The following NCOA7 variants were observed in gnomAD, a reference collection of about 807,000 sequenced individuals.
NCOA7 encodes 140 kDa estrogen receptor-associated protein.
A neutral mutation model predicts 104.3 loss-of-function variants in NCOA7; 45 were observed. That is an observed-to-expected ratio of 0.43 (90% confidence interval 0.34 to 0.55). The LOEUF (loss-of-function observed/expected upper bound fraction) is 0.55. NCOA7 is among the 20% of genes least tolerant of loss of function. The pLI is 0.02. For synonymous variants in NCOA7, 398 were observed against 402.3 expected (o/e 0.99, Z 0.13); for missense variants, 1,041 against 1,119.7 (o/e 0.93, Z 1.00).
rs188124268 is a variant in NCOA7 at position 125,874,913 on chromosome 6, A to T, written c.296A>T (p.Asp99Val). The T allele has an allele frequency of 3.7e-6, 6 of 1,613,588 alleles. No homozygotes were observed. The Admixed American group carries it at 6.7e-5, about 18-fold the overall frequency. The change falls in exon 4 of 16, where the codon GAT (aspartate) becomes GTT (valine). Residue 99 changes from aspartate (D) to valine (V), a missense_variant. Coordinates refer to ENST00000392477, the MANE Select transcript of NCOA7 (RefSeq NM_181782.5). ...SIDDNQNKTH[D>V]KKEKKMVVQK... ...GATGACAATCAAAACAAAACACATG[A>T]TAAAAAAGAGAAGAAGATGGTGGTT...
chr6:125,894,346 C>T (rs984834667), intron 10 of NCOA7, among the ~76,000 whole-genome samples: 18 of 152,130 alleles, frequency 1.2e-4, no homozygotes, highest in African/African-American at 3.9e-4. Context: ...ACTCGGGCCT[C>T]TGTACCATTC....
At chr6:125,901,886 G>A (rs6900690) in intron 10 of NCOA7, among the ~76,000 whole-genome samples, 81,565 of 151,842 alleles carry the variant, frequency 0.54, 22,017 homozygotes, top group Admixed American at 0.64. Context: ...TGGGAAGATA[G>A]TCTTCCCCTG....
Position 125,881,210 on chromosome 6 carries a change from A to G in NCOA7, c.573+7A>G, listed in dbSNP as rs779294205. The G allele has an allele frequency of 2.5e-6, 4 of 1,571,900 alleles. No individual in the cohort carries two copies. Among genetic ancestry groups the G allele is most frequent in the Non-Finnish European group, 3.5e-6 (4 of 1,141,862 alleles). On this transcript the variant is annotated splice_region_variant and intron_variant, in intron 6 of 15. Transcript: ENST00000392477. ...AGAATATGATAAATTGCCTGTATGT[A>G]TATTATGCACTGAAGTTCATTTTTA...
chr6:125,818,508 C>A (rs1009300744), intron 2 of NCOA7, among the ~76,000 whole-genome samples: 1 of 151,954 alleles, frequency 6.6e-6, no homozygotes, highest in Non-Finnish European at 1.5e-5. Flanking sequence ...AGTAAGACAA[C>A]ATGATTTGTA....
intron 2 of NCOA7, among the ~76,000 whole-genome samples, chr6:125,831,776 G>C (rs1011558775): frequency 6.6e-6 from 1 of 152,050 alleles, no homozygotes; most frequent in East Asian, 1.9e-4. Context: ...TAATTTTCTC[G>C]TTAGTTTTCC....
In NCOA7 at chr6:125,874,967, C is replaced by G. The variant is rs1451895130; in HGVS notation, c.350C>G (p.Thr117Ser). Reference sequence around the variant, plus strand: ...AAGCCCCATGGGACTATGGAATACACTGTGAGTATAACCAAGGTGGTATAA... The same window carrying G: ...AAGCCCCATGGGACTATGGAATACAGTGTGAGTATAACCAAGGTGGTATAA... ...VQKPHGTMEY[T>S]AGNQDTLNSI... Residue 117 changes from threonine to serine, a missense_variant and splice_region_variant, in exon 4 of 16, where the codon ACT becomes AGT. Physicochemically the swap from Thr to Ser is moderately conservative, Grantham distance 58. This residue lies in a region of NCOA7 where 914 missense variants were observed against 942.7 expected (regional missense o/e 0.97). Transcript: ENST00000392477. 5.0e-6 allele frequency: 8 copies of G among 1,608,440 alleles called. No individual in the cohort carries two copies. In the East Asian group the frequency reaches 1.8e-4, roughly 36 times the overall value.
chr6:125,914,989 T>C (rs1005932559), intron 10 of NCOA7, among the ~76,000 whole-genome samples: 27 of 152,230 alleles, frequency 1.8e-4, no homozygotes, highest in Non-Finnish European at 1.0e-4. Flanking sequence ...CTACATTTTT[T>C]TCCTCAATGA....
chr6:125,854,102 C>T (rs1351994596), intron 2 of NCOA7, among the ~76,000 whole-genome samples: 2 of 152,122 alleles, frequency 1.3e-5, no homozygotes, highest in Non-Finnish European at 2.9e-5. Context: ...TGCCTAGATA[C>T]TTTCTATCTA....
intron 1 of NCOA7, among the ~76,000 whole-genome samples, chr6:125,813,613 G>T (rs2128569312): frequency 6.6e-6 from 1 of 151,960 alleles, no homozygotes; most frequent in Admixed American, 6.6e-5. Context: ...ACCACGCCCG[G>T]CTAATTTTTG....
At chr6:125,921,185 G>A (rs546539788) in intron 12 of NCOA7, 117 bp downstream of exon 12, 47 of 1,339,344 alleles carry the variant, frequency 3.5e-5, no homozygotes, top group Admixed American at 1.5e-4. Flanking sequence ...CAAGGCAGGC[G>A]GATCACTTGA....
intron 1 of NCOA7, among the ~76,000 whole-genome samples, chr6:125,799,089 C>T (rs145350186): frequency 0.012 from 1,876 of 152,184 alleles, 20 homozygotes; most frequent in African/African-American, 0.026. Flanking sequence ...GAAGTTTAAT[C>T]CCAAGAATGT....
chr6:125,864,742 C>T (rs1409369889), intron 3 of NCOA7, among the ~76,000 whole-genome samples: 1 of 137,178 alleles, frequency 7.3e-6, no homozygotes, highest in Non-Finnish European at 1.5e-5. Context: ...TTCCTAGTGT[C>T]CAGAACTCTG....
At chr6:125,896,752 T>C (rs1210758334) in intron 10 of NCOA7, among the ~76,000 whole-genome samples, 1 of 152,148 alleles carries the variant, frequency 6.6e-6, no homozygotes, top group African/African-American at 2.4e-5. Context: ...AAATCACGCC[T>C]CCGCACTCCA....
At chr6:125,786,789 T>C (rs986020442), upstream of NCOA7, among the ~76,000 whole-genome samples, 4 of 152,132 alleles carry the variant, frequency 2.6e-5, no homozygotes, top group Non-Finnish European at 4.4e-5. Context: ...TTGGCCAGGC[T>C]TGTCTCAAAC....
At chr6:125,809,451 G>A (rs1048803387) in intron 1 of NCOA7, among the ~76,000 whole-genome samples, 9 of 152,150 alleles carry the variant, frequency 5.9e-5, no homozygotes, top group African/African-American at 1.9e-4. Flanking sequence ...CCAAAGTGCT[G>A]GGAATATAGG....
At chr6:125,926,631 A>C (rs149962314) in intron 13 of NCOA7, among the ~76,000 whole-genome samples, 42 of 152,292 alleles carry the variant, frequency 2.8e-4, no homozygotes, top group African/African-American at 1.0e-3. Context: ...AGTATGAAAA[A>C]TACTGGTTAG....
chr6:125,838,957 C>G (rs1158248083), intron 2 of NCOA7, among the ~76,000 whole-genome samples: 1 of 152,232 alleles, frequency 6.6e-6, no homozygotes, highest in South Asian at 2.1e-4. Context: ...GGGGTGGTGC[C>G]AACAAGCTTC....
chr6:125,890,908 A>C, intron 10 of NCOA7, 98 bp downstream of exon 10: 1 of 1,160,410 alleles, frequency 8.6e-7, no homozygotes, highest in Non-Finnish European at 1.2e-6. Context: ...TTCTTGAATA[A>C]GAGCTTTATC....
intron 2 of NCOA7, among the ~76,000 whole-genome samples, chr6:125,846,365 T>TAA (rs1562892857): frequency 1.2e-4 from 4 of 33,056 alleles, no homozygotes; most frequent in Admixed American, 9.0e-4. Flanking sequence ...AAAAAAATTT[T>TAA]TTTTTTTTTT....
Sources: allele counts gnomAD v4.1 joint callset (sites outside exome capture counted in the v4.1 genomes callset), GRCh38; gene constraint gnomAD v4.1.1; regional missense constraint gnomAD v4.1.1; transcripts MANE v1.5; gene names NCBI Gene and HGNC (gene_info 2026-07-23, HGNC 2026-07-21).